PACRG: variants seen among roughly 807,000 people sequenced by gnomAD.
PACRG encodes parkin coregulated, also known as parkin coregulated gene protein.
A neutral mutation model predicts 29.7 loss-of-function variants in PACRG; 29 were observed. The ratio of observed to expected loss-of-function variants is 0.98; its 90% confidence interval spans 0.73 to 1.33. PACRG has a LOEUF of 1.33. PACRG is among the 40% of genes most tolerant of loss of function. The probability of loss-of-function intolerance (pLI) is 0.00; values close to 1 mark genes in which losing one functional copy is unlikely to be tolerated. For missense variants in PACRG, 279 were observed against 316.2 expected, an observed-to-expected ratio of 0.88 and a Z score of 0.89; for synonymous variants, 116 against 118.7, an observed-to-expected ratio of 0.98 and a Z score of 0.15.
chr6:162,952,681 G>A (rs1014348077), intron 2 of PACRG, among the ~76,000 whole-genome samples: 9 of 152,124 alleles, frequency 5.9e-5, no homozygotes, highest in Non-Finnish European at 1.0e-4. Flanking sequence ...CATCTTTAAA[G>A]GAGATAGCCC....
At chr6:163,130,236 G>C (rs902393064) in intron 4 of PACRG, among the ~76,000 whole-genome samples, 1 of 152,144 alleles carries the variant, frequency 6.6e-6, no homozygotes, top group African/African-American at 2.4e-5. Context: ...GAGCACCTTT[G>C]GGGGTGGAGG....
In PACRG at chr6:163,055,968, G is replaced by C. The variant is rs1810554069; in HGVS notation, c.292-6182G>C. Among the ~76,000 whole-genome samples the C allele has an allele frequency of 6.6e-6, 1 of 152,208 alleles. No homozygotes were observed. The highest frequency in any genetic ancestry group is 2.4e-5 in the African/African-American group (1 of 41,460). On this transcript the variant is annotated intron_variant, in intron 2 of 4. Transcript: ENST00000366888. The surrounding 1 kb of genome is among the most constrained non-coding windows in gnomAD (Gnocchi z 4.0). Reference sequence around the variant, plus strand: ...TTTTGTGACTGTCCTCCTTCGCTTAGGAAAATGTTTTCAAGGTTCATTCAT... The same window carrying C: ...TTTTGTGACTGTCCTCCTTCGCTTACGAAAATGTTTTCAAGGTTCATTCAT...
At chr6:162,769,126 C>T (rs1158198437) in intron 1 of PACRG, among the ~76,000 whole-genome samples, 1 of 152,112 alleles carries the variant, frequency 6.6e-6, no homozygotes, top group East Asian at 1.9e-4. Flanking sequence ...AGTAAAACAG[C>T]ATATGGGGGA....
At chr6:163,149,584 C>G (rs1016915112) in intron 4 of PACRG, among the ~76,000 whole-genome samples, 1 of 152,116 alleles carries the variant, frequency 6.6e-6, no homozygotes, top group Non-Finnish European at 1.5e-5. Context: ...TCCGACTCCC[C>G]GACCCCGCGA....
intron 2 of PACRG, among the ~76,000 whole-genome samples, chr6:162,975,161 A>C (rs772703121): frequency 6.6e-6 from 1 of 152,224 alleles, no homozygotes; most frequent in Non-Finnish European, 1.5e-5. Context: ...CAGGAAGTCC[A>C]TGTTGGCTGA....
intron 2 of PACRG, among the ~76,000 whole-genome samples, chr6:162,939,678 TG>T (rs1798481087): frequency 6.3e-5 from 1 of 15,822 alleles, no homozygotes; most frequent in Non-Finnish European, 1.1e-4. Context: ...GTATTTGACG[TG>T]TGTGTGTGTG....
At chr6:163,005,865 ATAGTTATACGTGTTATATATATACAACG>A (rs1562823955) in intron 2 of PACRG, among the ~76,000 whole-genome samples, 4 of 135,274 alleles carry the variant, frequency 3.0e-5, no homozygotes, top group East Asian at 2.0e-4. Flanking sequence ...TATATACAAC[ATAGTTATACGTGTTATATATATACAACG>A]TAGTTATACG....
intron 2 of PACRG, among the ~76,000 whole-genome samples, chr6:162,854,524 C>T (rs1236596294): frequency 6.6e-6 from 1 of 152,122 alleles, no homozygotes; most frequent in African/African-American, 2.4e-5. Context: ...CATTACAGAT[C>T]CTACATTATT....
intron 3 of PACRG, among the ~76,000 whole-genome samples, chr6:163,084,983 G>T (rs191799915): frequency 1.3e-5 from 2 of 149,772 alleles, no homozygotes; most frequent in Admixed American, 1.4e-4. Context: ...GCAACCTTCG[G>T]CGGGCACACA....
chr6:162,737,806 AAC>A (rs1780280266), intron 1 of PACRG, among the ~76,000 whole-genome samples: 1 of 152,132 alleles, frequency 6.6e-6, no homozygotes, highest in Non-Finnish European at 1.5e-5. Flanking sequence ...ATCATTGTAT[AAC>A]AGTCTTCACT....
intron 4 of PACRG, among the ~76,000 whole-genome samples, chr6:163,172,857 G>T (rs2128348179): frequency 6.6e-6 from 1 of 152,276 alleles, no homozygotes; most frequent in African/African-American, 2.4e-5. Context: ...GATAGAAAGA[G>T]GCTTGAATGC....
At chr6:163,063,525 C>A (rs984169836) in intron 3 of PACRG, among the ~76,000 whole-genome samples, 1 of 152,188 alleles carries the variant, frequency 6.6e-6, no homozygotes, top group Non-Finnish European at 1.5e-5. Flanking sequence ...ATTATTTAAT[C>A]GTATCCAAGG....
intron 1 of PACRG, among the ~76,000 whole-genome samples, chr6:162,802,736 T>G (rs1353113449): frequency 5.3e-5 from 8 of 152,152 alleles, no homozygotes; most frequent in Non-Finnish European, 1.0e-4. Context: ...GATTTTCAGA[T>G]GGATACTTTC....
At chr6:163,013,290 A>G (rs1051610508) in intron 2 of PACRG, among the ~76,000 whole-genome samples, 2 of 151,862 alleles carry the variant, frequency 1.3e-5, no homozygotes, top group Non-Finnish European at 2.9e-5. Context: ...TTATTTATTT[A>G]TTTTGGTAGC....
intron 1 of PACRG, among the ~76,000 whole-genome samples, chr6:162,769,127 A>G (rs1414572166): frequency 6.6e-6 from 1 of 152,126 alleles, no homozygotes; most frequent in African/African-American, 2.4e-5. Flanking sequence ...GTAAAACAGC[A>G]TATGGGGGAG....
chr6:162,961,186 CATAACCTT>C (rs1341600692), intron 2 of PACRG, among the ~76,000 whole-genome samples: 1 of 152,220 alleles, frequency 6.6e-6, no homozygotes, highest in Non-Finnish European at 1.5e-5. Flanking sequence ...GAAAGCTGCT[CATAACCTT>C]ACTGACATAT....
intron 3 of PACRG, among the ~76,000 whole-genome samples, chr6:163,067,193 G>C (rs780822570): frequency 1.3e-5 from 2 of 152,200 alleles, no homozygotes; most frequent in Non-Finnish European, 1.5e-5. Flanking sequence ...GTAAAATGCA[G>C]GCTCCAGATC....
At chr6:162,752,340 C>T (rs1707091437) in intron 1 of PACRG, among the ~76,000 whole-genome samples, 1 of 152,036 alleles carries the variant, frequency 6.6e-6, no homozygotes, top group South Asian at 2.1e-4. Context: ...AAGAGGAAAT[C>T]AAAACCAGGA....
intron 4 of PACRG, among the ~76,000 whole-genome samples, chr6:163,226,292 G>C (rs1781793618): frequency 6.6e-6 from 1 of 152,162 alleles, no homozygotes; most frequent in South Asian, 2.1e-4. Flanking sequence ...ACTGCAGTCT[G>C]GTGACGCTGG....
Sources: allele counts gnomAD v4.1 joint callset (sites outside exome capture counted in the v4.1 genomes callset), GRCh38; gene constraint gnomAD v4.1.1; non-coding constraint Gnocchi (gnomAD v3.1); transcripts MANE v1.5; gene names NCBI Gene and HGNC (gene_info 2026-07-23, HGNC 2026-07-21).